Variants in PAX5 observed in about 807,000 individuals in gnomAD.
The protein encoded by PAX5 is paired box protein Pax-5.
Under a neutral mutation model 43.7 loss-of-function variants are expected in PAX5, and 9 were observed. That is an observed-to-expected ratio of 0.21 (90% CI 0.12 to 0.36). PAX5 has a LOEUF of 0.36. Ranked by LOEUF, PAX5 falls within the 10% of genes least tolerant of loss-of-function variation. The probability of loss-of-function intolerance (pLI) is 1.00; values close to 1 mark genes in which losing one functional copy is unlikely to be tolerated. For missense variants in PAX5, 383 were observed against 532.7 expected (o/e 0.72, Z 2.77); for synonymous variants, 228 against 214.3 (o/e 1.06, Z -0.56).
At chr9:36,897,136 A>G (rs2889334) in intron 7 of PAX5, among the ~76,000 whole-genome samples, 138,136 of 152,214 alleles carry the variant, frequency 0.91, 62,857 homozygotes, top group South Asian at 0.95. Flanking sequence ...TGAGCCTGGA[A>G]TGGCAGATGT....
chr9:36,970,366 G>C (rs1834833789), intron 5 of PAX5, among the ~76,000 whole-genome samples: 1 of 152,128 alleles, frequency 6.6e-6, no homozygotes, highest in East Asian at 1.9e-4. Flanking sequence ...AACAGAGGGA[G>C]AGAGGGAAGA....
rs1276547654 is a variant in PAX5 at position 37,032,127 on chromosome 9, G to A, written c.46+1859C>T. On this transcript the variant is annotated intron_variant, in intron 1 of 9. Transcript: ENST00000358127. The stretch of plus-strand genomic sequence containing the variant: ...GGGGGCGTGGCTCTCTAGATTTTAA[G>A]GCTTGGCCAGCCTAGGGCTCCCGTA... Among the ~76,000 whole-genome samples the A allele has an allele frequency of 2.0e-5, 3 of 152,292 alleles. No individual in the cohort carries two copies. In the East Asian group the frequency reaches 5.8e-4, roughly 29 times the overall value.
intron 5 of PAX5, among the ~76,000 whole-genome samples, chr9:36,975,216 A>T (rs1411240127): frequency 6.6e-6 from 1 of 152,188 alleles, no homozygotes; most frequent in Non-Finnish European, 1.5e-5. Context: ...TTTGCCCAAG[A>T]TAACACAGCA....
At chr9:36,963,908 TA>T (rs1268515050) in intron 6 of PAX5, among the ~76,000 whole-genome samples, 2 of 152,136 alleles carry the variant, frequency 1.3e-5, no homozygotes, top group Non-Finnish European at 2.9e-5. Context: ...TCTGGGCCTC[TA>T]AAAAAACAAC....
chr9:37,013,604 G>A (rs1839151740), intron 3 of PAX5, among the ~76,000 whole-genome samples: 1 of 152,080 alleles, frequency 6.6e-6, no homozygotes. Flanking sequence ...AAAAAGAACA[G>A]GAGTTATCCC....
chr9:36,904,426 T>C lies in PAX5; in HGVS notation c.910+18929A>G, dbSNP rs563201936. Among the ~76,000 whole-genome samples, 4 of 152,326 alleles carry C rather than the reference T, an allele frequency of 2.6e-5. No homozygotes were observed. The East Asian group carries it at 5.8e-4, about 22-fold the overall frequency. ...ATGGGTCTGAAAAGGCAAACACTTCTCTGGATGGGTTCATCCAGACAGGCA... is the reference window on the plus strand; with the variant it reads ...ATGGGTCTGAAAAGGCAAACACTTCCCTGGATGGGTTCATCCAGACAGGCA... On this transcript the variant is annotated intron_variant, in intron 7 of 9. Transcript: ENST00000358127.
intron 6 of PAX5, among the ~76,000 whole-genome samples, chr9:36,955,668 A>T (rs555859671): frequency 3.0e-3 from 462 of 151,808 alleles, no homozygotes; most frequent in African/African-American, 0.011. Context: ...TATATTGAGA[A>T]CCCATACCCT....
At chr9:36,967,682 A>G (rs749658740) in intron 5 of PAX5, among the ~76,000 whole-genome samples, 3 of 152,230 alleles carry the variant, frequency 2.0e-5, no homozygotes, top group African/African-American at 4.8e-5. Flanking sequence ...GATATATGAG[A>G]AACATTTACA....
intron 1 of PAX5, among the ~76,000 whole-genome samples, chr9:37,023,999 C>G (rs1394437476): frequency 6.6e-6 from 1 of 152,162 alleles, no homozygotes; most frequent in African/African-American, 2.4e-5. Flanking sequence ...TTCTGTGAAC[C>G]CTCTGAAGCT....
At chr9:36,879,157 C>T (rs1030689216) in intron 8 of PAX5, among the ~76,000 whole-genome samples, 14 of 152,186 alleles carry the variant, frequency 9.2e-5, no homozygotes, top group African/African-American at 3.1e-4. Flanking sequence ...TGCTGCCAGG[C>T]TTGGTGAAGC....
At chr9:36,863,836 C>A (rs561145533) in intron 8 of PAX5, among the ~76,000 whole-genome samples, 36 of 152,176 alleles carry the variant, frequency 2.4e-4, no homozygotes, top group Admixed American at 2.3e-3. Flanking sequence ...AGGGGCCGGG[C>A]GCAGTGGCTC....
intron 2 of PAX5, among the ~76,000 whole-genome samples, chr9:37,020,316 G>A (rs977850574): frequency 3.9e-5 from 6 of 152,062 alleles, no homozygotes; most frequent in African/African-American, 4.8e-5. Context: ...TAAGTCCTAC[G>A]CGGGGACCCA....
chr9:36,923,333 C>G (rs754967936), intron 7 of PAX5, 22 bp downstream of exon 7: 1 of 1,604,628 alleles, frequency 6.2e-7, no homozygotes, highest in Admixed American at 1.7e-5. Context: ...TCACTCATCC[C>G]CCATGCCCCA....
At chr9:36,923,800 C>T (rs1351540399) in intron 6 of PAX5, among the ~76,000 whole-genome samples, 1 of 152,226 alleles carries the variant, frequency 6.6e-6, no homozygotes, top group African/African-American at 2.4e-5. Flanking sequence ...AGACCCCACA[C>T]TCCTCAGTGC....
At chr9:36,999,371 C>G (rs180787295) in intron 5 of PAX5, among the ~76,000 whole-genome samples, 2,013 of 152,318 alleles carry the variant, frequency 0.013, 48 homozygotes, top group African/African-American at 0.046. Flanking sequence ...TTACTCTTTC[C>G]CCCAGTGTCA....
At chr9:36,911,140 C>T (rs1829246706) in intron 7 of PAX5, among the ~76,000 whole-genome samples, 1 of 152,094 alleles carries the variant, frequency 6.6e-6, no homozygotes, top group South Asian at 2.1e-4. Context: ...GAGCACATGC[C>T]CTGGTAAAAT....
chr9:36,989,911 C>G (rs542070151), intron 5 of PAX5, among the ~76,000 whole-genome samples: 2 of 152,182 alleles, frequency 1.3e-5, no homozygotes, highest in African/African-American at 4.8e-5. Context: ...AGACACAGTT[C>G]CTGCCTTCAT....
chr9:36,886,396 G>A (rs1826912378), intron 7 of PAX5, among the ~76,000 whole-genome samples: 1 of 152,162 alleles, frequency 6.6e-6, no homozygotes, highest in Non-Finnish European at 1.5e-5. Flanking sequence ...CCAGTCTTAT[G>A]AATTCAAGCC....
intron 7 of PAX5, among the ~76,000 whole-genome samples, chr9:36,908,257 G>GTGGATTAAACCAA (rs1828980722): frequency 6.8e-6 from 1 of 148,046 alleles, no homozygotes; most frequent in Non-Finnish European, 1.5e-5. Context: ...TTAAACCAAA[G>GTGGATTAAACCAA]AGAAGCCAAG....
Sources: gnomAD v4.1 joint callset for allele counts (sites outside exome capture counted in the v4.1 genomes callset) on GRCh38, gnomAD v4.1.1 for gene constraint, MANE v1.5 for transcripts, NCBI Gene and HGNC (gene_info 2026-07-23, HGNC 2026-07-21) for gene names.